The following ERBB2 variants were observed in gnomAD, a reference collection of about 807,000 sequenced individuals.
ERBB2 encodes the protein receptor tyrosine-protein kinase erbB-2.
In ERBB2, 61 loss-of-function variants were observed where a neutral mutation model predicts 149.0. The observed-to-expected ratio is 0.41, with a 90% CI of 0.33 to 0.51. ERBB2 has a LOEUF of 0.51. Among genes scored for constraint, ERBB2 ranks in the 20% least tolerant of loss-of-function variants. ERBB2 has a pLI of 0.25. For missense variants in ERBB2, 1,205 were observed against 1,655.1 expected (o/e 0.73, Z 4.72); for synonymous variants, 633 against 678.8 (o/e 0.93, Z 1.05).
At chr17:39,701,568 G>T (rs1487218633) in intron 1 of ERBB2, among the ~76,000 whole-genome samples, 2 of 152,158 alleles carry the variant, frequency 1.3e-5, no homozygotes, top group Non-Finnish European at 2.9e-5. Context: ...TGTCATCGTG[G>T]CTGTGTGTTG....
At chr17:39,718,112 A>G (rs186960737) in intron 15 of ERBB2, among the ~76,000 whole-genome samples, 10 of 152,306 alleles carry the variant, frequency 6.6e-5, no homozygotes, top group African/African-American at 2.2e-4. Flanking sequence ...ATGCCCAGTC[A>G]TATATTTCTT....
chr17:39,719,890 C>T (rs2145752194), intron 16 of ERBB2, 56 bp downstream of exon 16: 2 of 1,555,542 alleles, frequency 1.3e-6, no homozygotes, highest in Non-Finnish European at 1.8e-6. Context: ...CCACTGGATG[C>T]TGGGTGGTCA....
Position 39,725,987 on chromosome 17 carries a change from T to G in ERBB2, c.2872+134T>G. On this transcript the variant is annotated intron_variant, in intron 23 of 26. Coordinates refer to ENST00000269571, the MANE Select transcript of ERBB2 (RefSeq NM_004448.4). This position sits in a 1 kb window ranked among gnomAD's most constrained non-coding sequence, Gnocchi z 4.6. ...CTAGTATGTTAGGAGCCTCAAAACC[T>G]TCTTGTATCCCTTTTACAGTCAAAG... 2.3e-6 allele frequency: 2 copies of G among 868,740 alleles called. No individual in the cohort carries two copies. The highest frequency in any genetic ancestry group is 3.6e-6 in the Non-Finnish European group (2 of 559,832). 53.8% of individuals were successfully genotyped at this position (868,740 alleles called of 1,614,324 possible).
rs369448099 is a variant in ERBB2, at chr17:39,727,571, G to C, written c.3412+24G>C. 2.8e-5 allele frequency: 45 copies of C among 1,586,640 alleles called. No homozygotes were observed. Among genetic ancestry groups the C allele is most frequent in the South Asian group, 1.5e-4 (13 of 86,518 alleles). On this transcript the variant is annotated intron_variant, in intron 26 of 26. Coordinates refer to ENST00000269571, the MANE Select transcript of ERBB2 (RefSeq NM_004448.4). The surrounding 1 kb of genome is among the most constrained non-coding windows in gnomAD (Gnocchi z 4.3). Reference sequence around the variant, plus strand: ...TGGTATGGAGTCCAGTCTAAGCAGAGAGACTGATGGGCAGGGGAGGTGGGA... The same window carrying C: ...TGGTATGGAGTCCAGTCTAAGCAGACAGACTGATGGGCAGGGGAGGTGGGA...
chr17:39,710,616 T>C, intron 7 of ERBB2, 135 bp downstream of exon 7: 1 of 1,065,130 alleles, frequency 9.4e-7, no homozygotes, highest in Non-Finnish European at 1.4e-6. Flanking sequence ...GCTGCCTTGT[T>C]CTTTCAACAG....
In ERBB2 at chr17:39,709,320, A is replaced by T. The variant is rs2145469848; in HGVS notation, c.442A>T (p.Ile148Phe). The T allele has an allele frequency of 1.9e-6, 3 of 1,614,096 alleles. No homozygotes were observed. Among genetic ancestry groups the T allele is most frequent in the Non-Finnish European group, 2.5e-6 (3 of 1,179,994 alleles). ...TCTGATCATTGCTCACCCCACAGAGATCTTGAAAGGAGGGGTCTTGATCCA... is the reference window on the plus strand; with the variant it reads ...TCTGATCATTGCTCACCCCACAGAGTTCTTGAAAGGAGGGGTCTTGATCCA... The part of the protein sequence containing the change: ...RELQLRSLTE[I>F]LKGGVLIQRN... Residue 148 changes from isoleucine (I) to phenylalanine (F), a missense_variant and splice_region_variant, in exon 4 of 27, where the codon ATC becomes TTC. Physicochemically the swap from Ile to Phe is conservative, Grantham distance 21. Coordinates refer to ENST00000269571, the MANE Select transcript of ERBB2 (RefSeq NM_004448.4).
At chr17:39,688,389 A>C in intron 1 of ERBB2, 1 of 185,202 alleles carries the variant, frequency 5.4e-6, no homozygotes, top group African/African-American at 2.3e-5. Flanking sequence ...AGACACCATC[A>C]TGTGTCGCCA....
chr17:39,710,934 G>A (rs1312589636), intron 7 of ERBB2, among the ~76,000 whole-genome samples: 2 of 152,196 alleles, frequency 1.3e-5, no homozygotes, highest in East Asian at 1.9e-4. Flanking sequence ...TTTTGAGACC[G>A]AATTTAGTTA....
chr17:39,717,182 GT>G (rs1157741363), intron 14 of ERBB2, 137 bp from the exon 15 acceptor site: 54 of 624,230 alleles, frequency 8.7e-5, no homozygotes, highest in Non-Finnish European at 1.3e-5. Flanking sequence ...AAGAGCAAGG[GT>G]GTTTGTCCCA....
At chr17:39,702,413 G>A (rs1365504776) in intron 1 of ERBB2, among the ~76,000 whole-genome samples, 1 of 152,214 alleles carries the variant, frequency 6.6e-6, no homozygotes, top group Non-Finnish European at 1.5e-5. Context: ...AGAGGGGTCA[G>A]GATTTTTCTG....
upstream of ERBB2, among the ~76,000 whole-genome samples, chr17:39,689,965 A>C (rs1008454405): frequency 6.6e-6 from 1 of 152,076 alleles, no homozygotes; most frequent in Non-Finnish European, 1.5e-5. Flanking sequence ...ATTATGTCAA[A>C]CATACTGAAA....
intron 2 of ERBB2, chr17:39,707,412 G>A (rs1308607887): frequency 8.5e-6 from 3 of 353,234 alleles, no homozygotes; most frequent in Non-Finnish European, 1.5e-5. Flanking sequence ...GCATGATCAT[G>A]TCCCCTGTCC....
chr17:39,691,904 T>TAC (rs1386573320), upstream of ERBB2, among the ~76,000 whole-genome samples: 166 of 114,262 alleles, frequency 1.5e-3, no homozygotes, highest in African/African-American at 5.5e-3. Flanking sequence ...GATATAGATA[T>TAC]ATATACATAT....
At chr17:39,714,171 G>A (rs2058981999) in intron 9 of ERBB2, among the ~76,000 whole-genome samples, 1 of 151,952 alleles carries the variant, frequency 6.6e-6, no homozygotes, top group Non-Finnish European at 1.5e-5. Flanking sequence ...TTATGCATCT[G>A]TAGACACACA....
At chr17:39,716,196 C>A (rs1481368196) in intron 12 of ERBB2, 105 bp from the exon 13 acceptor site, 9 of 1,297,892 alleles carry the variant, frequency 6.9e-6, no homozygotes, top group Non-Finnish European at 8.4e-6. Flanking sequence ...CCCCACCTGT[C>A]CCCACCCCTC....
At chr17:39,708,267 C>T (rs2145433607) in intron 2 of ERBB2, 54 bp from the exon 3 acceptor site, 1 of 1,464,326 alleles carries the variant, frequency 6.8e-7, no homozygotes, top group Non-Finnish European at 9.5e-7. Flanking sequence ...CCCAGGGAGG[C>T]CCTGGGGGGT....
intron 16 of ERBB2, chr17:39,720,183 A>C (rs1405483517): frequency 7.9e-6 from 2 of 252,000 alleles, no homozygotes; most frequent in Non-Finnish European, 1.5e-5. Flanking sequence ...TTAACTGGGG[A>C]TGGTGGGAGG....
At chr17:39,709,251 A>C in intron 3 of ERBB2, 67 bp from the exon 4 acceptor site, 1 of 1,574,946 alleles carries the variant, frequency 6.3e-7, no homozygotes, top group Admixed American at 1.7e-5. Flanking sequence ...AGAAGGCAGG[A>C]GGGCCCCAAG....
chr17:39,701,735 T>A (rs1365837689), intron 1 of ERBB2, among the ~76,000 whole-genome samples: 1 of 152,194 alleles, frequency 6.6e-6, no homozygotes, highest in Non-Finnish European at 1.5e-5. Context: ...GGCTGAACTC[T>A]GTCCTCTGCA....
Sources: gnomAD v4.1 joint callset for allele counts (sites outside exome capture counted in the v4.1 genomes callset) on GRCh38, gnomAD v4.1.1 for gene constraint, Gnocchi (gnomAD v3.1) non-coding constraint, MANE v1.5 for transcripts, NCBI Gene and HGNC (gene_info 2026-07-23, HGNC 2026-07-21) for gene names.